Variants in MIOX observed in about 807,000 individuals in gnomAD.
MIOX encodes myo-inositol oxygenase.
MIOX carries 51 observed loss-of-function variants against 42.7 expected under a neutral mutation model. The ratio of observed to expected loss-of-function variants is 1.19; its 90% CI spans 0.95 to 1.51. The LOEUF (loss-of-function observed/expected upper bound fraction) is 1.51. Among genes scored for constraint, MIOX ranks in the 40% most tolerant of loss-of-function variants. The probability of loss-of-function intolerance (pLI) is 0.00; values close to 1 mark genes in which losing one functional copy is unlikely to be tolerated. For synonymous variants in MIOX, 168 were observed against 154.4 expected (o/e 1.09, Z -0.65); for missense variants, 395 against 381.3 (o/e 1.04, Z -0.30).
In MIOX at chr22:50,490,037, T is replaced by C. The variant is rs1179519659; in HGVS notation, c.*181T>C. 5 of 613,340 alleles carry C rather than the reference T, an allele frequency of 8.2e-6. No homozygotes were observed. Among genetic ancestry groups the C allele is most frequent in the African/African-American group, 3.7e-5 (2 of 54,190 alleles). 38.0% of individuals were successfully genotyped at this position (613,340 alleles called of 1,614,324 possible). On this transcript the variant is annotated 3_prime_UTR_variant, in exon 10 of 10. Transcript: ENST00000216075. ...TGGCGTCAATAAAGACCTGGAAGGA[T>C]GTTGTGCTTCTGAAGCCCCACTGGG...
Position 50,487,478 on chromosome 22 carries a change from C to A in MIOX, c.96+13C>A, listed in dbSNP as rs746385636. 2 of 1,608,748 alleles carry A rather than the reference C, an allele frequency of 1.2e-6. No individual in the cohort carries two copies. Among genetic ancestry groups the A allele is most frequent in the Non-Finnish European group, 8.5e-7 (1 of 1,176,696 alleles). On this transcript the variant is annotated intron_variant, in intron 2 of 9. Transcript: ENST00000216075. ...CCGGAACTACACGGTGAGTACCTTG[C>A]CGTCCTGCCCCCCTTCTCCCCCATC... is the stretch of plus-strand genomic sequence containing the variant.
intron 2 of MIOX, 95 bp downstream of exon 2, chr22:50,487,560 A>C (rs2068285932): frequency 2.0e-5 from 30 of 1,536,564 alleles, no homozygotes; most frequent in Non-Finnish European, 2.6e-5. Flanking sequence ...GCCCTGTGGG[A>C]ACTCCCACCC....
At position 50,488,276 on chromosome 22, in the gene MIOX, C is replaced by G. The variant is rs1264267658; in HGVS notation, c.342C>G (p.Asp114Glu). The G allele has an allele frequency of 6.2e-7, 1 of 1,613,482 alleles. No homozygotes were observed. The highest frequency in any genetic ancestry group is 8.5e-7 in the Non-Finnish European group (1 of 1,179,684). Residue 114 changes from aspartate (D) to glutamate (E), a missense_variant and splice_region_variant, in exon 5 of 10, where the codon GAC (aspartate) becomes GAG (glutamate). Transcript: ENST00000216075. ...CTGCCCTGTCCATCCCCCTCCCAGA[C>G]TGGTTCCACCTCGTCGGGCTCCTGC... ...EGIRKAHPDK[D>E]WFHLVGLLHD... is the part of the protein sequence containing the mutation.
In MIOX at chr22:50,489,891, C is replaced by G. The variant is rs746258473; in HGVS notation, c.*35C>G. 490 of 1,587,996 alleles carry G rather than the reference C, an allele frequency of 3.1e-4. No individual in the cohort carries two copies. Among genetic ancestry groups the G allele is most frequent in the Non-Finnish European group, 3.9e-4 (451 of 1,163,690 alleles). On this transcript the variant is annotated 3_prime_UTR_variant, in exon 10 of 10. Transcript: ENST00000216075. Reference sequence around the variant, plus strand: ...CACCCAAGCTGCTGCTGGACCTAGGCCTGGCCCTCCGCCTGCCTGGAGAGG... The same window carrying G: ...CACCCAAGCTGCTGCTGGACCTAGGGCTGGCCCTCCGCCTGCCTGGAGAGG...
intron 1 of MIOX, 134 bp downstream of exon 1, chr22:50,487,046 C>A: frequency 8.7e-7 from 1 of 1,150,202 alleles, no homozygotes. Flanking sequence ...CGGCTGCCGA[C>A]CCCCAGGCTC....
At position 50,488,327 on chromosome 22, in the gene MIOX, G is replaced by C. The variant is rs778201408; in HGVS notation, c.393G>C (p.Leu131=). Reference sequence around the variant, plus strand: ...ACGACCTGGGGAAGGTCCTGGCCCTGTTCGGGGAGCCCCAGGTAAGAGTTG... The same window carrying C: ...ACGACCTGGGGAAGGTCCTGGCCCTCTTCGGGGAGCCCCAGGTAAGAGTTG... ...LLHDLGKVLA[L]FGEPQWAVVG... The change falls in exon 5 of 10, where the codon CTG becomes CTC. Residue 131 remains leucine, a synonymous_variant. Coordinates refer to ENST00000216075, the MANE Select transcript of MIOX (RefSeq NM_017584.6). 6 of 1,605,190 alleles carry C rather than the reference G, an allele frequency of 3.7e-6. No homozygotes were observed. In the East Asian group the frequency reaches 6.7e-5, roughly 18 times the overall value.
chr22:50,489,030 C>T lies in MIOX; in HGVS notation c.409-10C>T, dbSNP rs1218251461. The T allele has an allele frequency of 1.2e-6, 2 of 1,602,920 alleles. No individual in the cohort carries two copies. The highest frequency in any genetic ancestry group is 1.7e-6 in the Non-Finnish European group (2 of 1,176,620). ...CCCCATGGCCTCCCGTCCCTCCTGT[C>T]CCTCTGCAGTGGGCTGTCGTCGGCG... On this transcript the variant is annotated splice_polypyrimidine_tract_variant and intron_variant, in intron 5 of 9. Transcript: ENST00000216075.
In MIOX at chr22:50,488,057, TG is replaced by T; in HGVS notation, c.340+11del. The T allele has an allele frequency of 6.2e-7, 1 of 1,613,154 alleles. No individual in the cohort carries two copies. Among genetic ancestry groups the T allele is most frequent in the African/African-American group, 1.3e-5 (1 of 75,028 alleles). ...GGCCCACCCAGACAAGGGTGAGCCC[TG>T]GCTGTGCTGCAGGGGGGCAGGTGCT... On this transcript the variant is annotated intron_variant, in intron 4 of 9. Transcript: ENST00000216075.
At position 50,486,861 on chromosome 22, in the gene MIOX, C is replaced by T. The variant is rs779694508; in HGVS notation, c.-37C>T. The T allele has an allele frequency of 1.2e-6, 2 of 1,613,840 alleles. No homozygotes were observed. Among genetic ancestry groups the T allele is most frequent in the African/African-American group, 1.3e-5 (1 of 75,054 alleles). ...GCCTGGCTGAGGACACACTCGCCAG[C>T]CTGTGCTTTGCCACCTGAGCGCCGC... On this transcript the variant is annotated 5_prime_UTR_variant, in exon 1 of 10. Transcript: ENST00000216075.
Position 50,487,892 on chromosome 22 carries a change from C to T in MIOX, c.184C>T (p.Gln62Ter), listed in dbSNP as rs2068292577. 5 of 1,613,718 alleles carry T rather than the reference C, an allele frequency of 3.1e-6. No individual in the cohort carries two copies. The highest frequency in any genetic ancestry group is 4.2e-6 in the Non-Finnish European group (5 of 1,179,838). Residue 62 changes from glutamine (Q) to a stop codon, truncating the protein, a stop_gained, in exon 4 of 10, where the codon CAG (glutamine) becomes TAG (stop). Coordinates refer to ENST00000216075, the MANE Select transcript of MIOX (RefSeq NM_017584.6). LOFTEE classifies it high-confidence loss of function. Reference protein sequence around the residue: ...TVDFVRSKHAQFGGFSYKKMT... With the variant: ...TVDFVRSKHA The stretch of plus-strand genomic sequence containing the variant: ...CCTTCTCCTTCCCCGCCAGCATGCC[C>T]AGTTTGGGGGCTTCTCCTACAAGAA...
In MIOX at chr22:50,488,494, G is replaced by A. The variant is rs1173623404; in HGVS notation, c.408+152G>A. On this transcript the variant is annotated intron_variant, in intron 5 of 9. Coordinates refer to ENST00000216075, the MANE Select transcript of MIOX (RefSeq NM_017584.6). ...GGCTGCCTGTCCCTCTGGTGGCCTC[G>A]GTGCTTGGCCTGGGATACTACCTGG... 1.8e-5 allele frequency: 11 copies of A among 605,286 alleles called. 1 individual carries two copies. The highest frequency in any genetic ancestry group is 4.0e-5 in the South Asian group (2 of 49,858). 37.5% of individuals were successfully genotyped at this position (605,286 alleles called of 1,614,324 possible). A position where few individuals can be genotyped will look rare whatever the true frequency, so the allele number is the denominator to read the frequency against.
intron 4 of MIOX, 103 bp from the exon 5 acceptor site, chr22:50,488,172 G>A: frequency 6.3e-7 from 1 of 1,586,366 alleles, no homozygotes; most frequent in Non-Finnish European, 8.6e-7. Flanking sequence ...CCTGGGTTGG[G>A]GAGCAGGCCC....
chr22:50,486,895 A>C lies in MIOX; in HGVS notation c.-3A>C, dbSNP rs2068275255. 1 of 1,613,804 alleles carries C rather than the reference A, an allele frequency of 6.2e-7. No individual in the cohort carries two copies. Among genetic ancestry groups the C allele is most frequent in the Admixed American group, 1.7e-5 (1 of 59,992 alleles). On this transcript the variant is annotated 5_prime_UTR_variant, in exon 1 of 10. Transcript: ENST00000216075. ...TGCCACCTGAGCGCCGCTCCCTCTC[A>C]GGATGAAGGTGACGGTGGTGAGTAC... is the stretch of plus-strand genomic sequence containing the variant.
Position 50,489,835 on chromosome 22 carries a change from C to A in MIOX, c.837C>A (p.Cys279Ter). 2 of 1,610,808 alleles carry A rather than the reference C, an allele frequency of 1.2e-6. No homozygotes were observed. Among genetic ancestry groups the A allele is most frequent in the Non-Finnish European group, 1.7e-6 (2 of 1,179,894 alleles). Residue 279 changes from cysteine to a stop codon, truncating the protein, a stop_gained, in exon 10 of 10, where the codon TGC becomes TGA. Transcript: ENST00000216075. LOFTEE classifies it high-confidence loss of function. ...ACCAGGGGCTCATTGACAAGTACTG[C>A]CCTGGCATCCTGAGCTGGTGACCCT... ...PYYQGLIDKYCPGILSW is the reference protein window; with the variant it reads ...PYYQGLIDKY
In MIOX at chr22:50,489,340, ACGGTGGGGGG is replaced by A. The variant is rs752123726; in HGVS notation, c.587-48_587-39del. 9.3e-5 allele frequency: 30 copies of A among 323,832 alleles called. 1 individual carries two copies. The African/African-American group carries it at 1.4e-3, about 15-fold the overall frequency. 20.1% of individuals were successfully genotyped at this position (323,832 alleles called of 1,614,324 possible). ...GTGGGGCGGTGGGGGGCGGTGGGGG[ACGGTGGGGGG>A]CGGTGGGGCAGAGGCAGTGCCTGCT... is the stretch of plus-strand genomic sequence containing the variant. On this transcript the variant is annotated intron_variant, in intron 7 of 9. Transcript: ENST00000216075.
At chr22:50,487,807 C>T (rs8136151) in intron 3 of MIOX, 65 bp downstream of exon 3, 1 of 1,610,534 alleles carries the variant, frequency 6.2e-7, no homozygotes. Context: ...CATGAGCCCA[C>T]CAGGCGCCGA....
At position 50,489,655 on chromosome 22, in the gene MIOX, C is replaced by CT; in HGVS notation, c.749+12dup. 1 of 1,604,300 alleles carries CT rather than the reference C, an allele frequency of 6.2e-7. No homozygotes were observed. On this transcript the variant is annotated intron_variant, in intron 9 of 9. Transcript: ENST00000216075. ...GGTGCGGGAGTTCAAGTACGCCCCGCTACCCGCCGAGGGGTGTTGTGGGAG... is the reference window on the plus strand; with the variant it reads ...GGTGCGGGAGTTCAAGTACGCCCCGCTTACCCGCCGAGGGGTGTTGTGGGAG...
At chr22:50,488,077 A>G in intron 4 of MIOX, 29 bp downstream of exon 4, 2 of 1,612,214 alleles carry the variant, frequency 1.2e-6, no homozygotes, top group Non-Finnish European at 1.7e-6. Context: ...GCAGGGGGGC[A>G]GGTGCTGCCT....
chr22:50,487,377 C>G lies in MIOX; in HGVS notation c.16-8C>G, dbSNP rs1477462928. 3 of 1,608,830 alleles carry G rather than the reference C, an allele frequency of 1.9e-6. No individual in the cohort carries two copies. Among genetic ancestry groups the G allele is most frequent in the Non-Finnish European group, 2.5e-6 (3 of 1,177,498 alleles). On this transcript the variant is annotated splice_polypyrimidine_tract_variant and splice_region_variant and intron_variant, in intron 1 of 9. Coordinates refer to ENST00000216075, the MANE Select transcript of MIOX (RefSeq NM_017584.6). ...TGGTGAAATAGGTTCAATCCTCCACCTACCCAGGGCCCAGACCCTTCCCTG... is the reference window on the plus strand; with the variant it reads ...TGGTGAAATAGGTTCAATCCTCCACGTACCCAGGGCCCAGACCCTTCCCTG...
Sources: gnomAD v4.1 joint callset for allele counts on GRCh38, gnomAD v4.1.1 for gene constraint, MANE v1.5 for transcripts, NCBI Gene and HGNC (gene_info 2026-07-23, HGNC 2026-07-21) for gene names.